KIAA1217: variants seen among roughly 807,000 people sequenced by gnomAD.
KIAA1217 encodes KIAA1217, also known as sickle tail protein homolog.
In KIAA1217, 88 loss-of-function variants were observed where a neutral mutation model predicts 163.9. The observed-to-expected ratio is 0.54, with a 90% CI of 0.45 to 0.64. The LOEUF (loss-of-function observed/expected upper bound fraction) is 0.64, where lower values mean the gene tolerates loss of function less well. Ranked by LOEUF, KIAA1217 falls within the 30% of genes least tolerant of loss-of-function variation. The pLI is 0.00. For missense variants in KIAA1217, 2,372 were observed against 2,475.0 expected, an observed-to-expected ratio of 0.96 and a Z score of 0.88; for synonymous variants, 903 against 923.1, an observed-to-expected ratio of 0.98 and a Z score of 0.39.
intron 2 of KIAA1217, among the ~76,000 whole-genome samples, chr10:24,184,378 G>T (rs2066323783): frequency 6.6e-6 from 1 of 152,134 alleles, no homozygotes; most frequent in African/African-American, 2.4e-5. Flanking sequence ...TTTAAGAACA[G>T]CTGTTGCAAC....
chr10:24,356,183 A>T (rs2049077805), intron 2 of KIAA1217, among the ~76,000 whole-genome samples: 1 of 152,164 alleles, frequency 6.6e-6, no homozygotes, highest in Admixed American at 6.5e-5. Context: ...CAGTGCTTTC[A>T]ACCAGTTTGC....
At chr10:24,319,794 A>G (rs2043904430) in intron 2 of KIAA1217, among the ~76,000 whole-genome samples, 1 of 152,222 alleles carries the variant, frequency 6.6e-6, no homozygotes, top group Non-Finnish European at 1.5e-5. Context: ...ATTCAGAACC[A>G]TAGTTTTAAC....
chr10:24,428,312 G>T (rs1480437640), intron 3 of KIAA1217, among the ~76,000 whole-genome samples: 2 of 152,208 alleles, frequency 1.3e-5, no homozygotes, highest in Non-Finnish European at 2.9e-5. Context: ...CCAAGACATT[G>T]CGTGATCTGT....
chr10:23,887,378 T>A (rs1349458525), intron 1 of KIAA1217, among the ~76,000 whole-genome samples: 1 of 151,926 alleles, frequency 6.6e-6, no homozygotes, highest in East Asian at 1.9e-4. Flanking sequence ...CCATTGTTAA[T>A]GTTCTTATAA....
At chr10:24,277,160 G>T in intron 2 of KIAA1217, among the ~76,000 whole-genome samples, 1 of 152,188 alleles carries the variant, frequency 6.6e-6, no homozygotes, top group Non-Finnish European at 1.5e-5. Flanking sequence ...TTTTCAAATT[G>T]CTCTTTAACT....
intron 2 of KIAA1217, among the ~76,000 whole-genome samples, chr10:24,054,408 A>G (rs961878690): frequency 6.6e-6 from 1 of 152,180 alleles, no homozygotes; most frequent in Non-Finnish European, 1.5e-5. Flanking sequence ...GGGATAGAAA[A>G]GAGAATGTGG....
At chr10:23,812,622 A>C (rs1837122438) in intron 1 of KIAA1217, among the ~76,000 whole-genome samples, 1 of 152,114 alleles carries the variant, frequency 6.6e-6, no homozygotes, top group Non-Finnish European at 1.5e-5. Context: ...CACCACCATC[A>C]ATCTTAGAAC....
intron 3 of KIAA1217, among the ~76,000 whole-genome samples, chr10:24,415,402 A>T (rs775056696): frequency 9.2e-5 from 14 of 151,822 alleles, no homozygotes; most frequent in Non-Finnish European, 1.6e-4. Flanking sequence ...GTCATGAGCC[A>T]CCACACCCAG....
At chr10:23,887,468 G>C (rs1841232996) in intron 1 of KIAA1217, among the ~76,000 whole-genome samples, 1 of 151,842 alleles carries the variant, frequency 6.6e-6, no homozygotes, top group South Asian at 2.1e-4. Context: ...TAATGTGAAT[G>C]TGAGGCTTTT....
At chr10:24,093,696 A>T (rs909725090) in intron 2 of KIAA1217, among the ~76,000 whole-genome samples, 17 of 151,292 alleles carry the variant, frequency 1.1e-4, no homozygotes, top group Admixed American at 2.0e-4. Context: ...CATGGGCACA[A>T]TGTGCAGGTT....
Position 24,164,323 on chromosome 10 carries a change from T to C in KIAA1217, c.-170-55303T>C, listed in dbSNP as rs1589736446. Among the ~76,000 whole-genome samples, 6 of 152,352 alleles carry C rather than the reference T, an allele frequency of 3.9e-5. No homozygotes were observed. The East Asian group carries it at 9.6e-4, about 24-fold the overall frequency. ...ATCACATTTTCAGATTAGCTTTCTCTAGCCACTAATCTTAAGTGACATCCT... is the reference window on the plus strand; with the variant it reads ...ATCACATTTTCAGATTAGCTTTCTCCAGCCACTAATCTTAAGTGACATCCT... On this transcript the variant is annotated intron_variant, in intron 2 of 18. Transcript: ENST00000376462.
intron 1 of KIAA1217, among the ~76,000 whole-genome samples, chr10:23,897,140 T>TA (rs1841742708): frequency 6.6e-6 from 1 of 152,110 alleles, no homozygotes; most frequent in Non-Finnish European, 1.5e-5. Flanking sequence ...ACTTCATTGG[T>TA]AGAAGTAAAA....
intron 2 of KIAA1217, among the ~76,000 whole-genome samples, chr10:24,015,664 G>A (rs1417471744): frequency 1.3e-5 from 2 of 151,324 alleles, no homozygotes; most frequent in Non-Finnish European, 2.9e-5. Flanking sequence ...GCTGAGCCAG[G>A]AGAATGTTTG....
chr10:24,449,918 T>C (rs1211389141), intron 5 of KIAA1217, among the ~76,000 whole-genome samples: 1 of 152,252 alleles, frequency 6.6e-6, no homozygotes, highest in Non-Finnish European at 1.5e-5. Context: ...GCACACTGCC[T>C]AGAAGAAAAC....
At chr10:24,279,752 A>T (rs954656720) in intron 2 of KIAA1217, among the ~76,000 whole-genome samples, 4 of 152,220 alleles carry the variant, frequency 2.6e-5, no homozygotes, top group Non-Finnish European at 5.9e-5. Context: ...CTGGAGTTAA[A>T]ACTTTTTACT....
chr10:23,965,821 A>T (rs1220874282), intron 1 of KIAA1217, among the ~76,000 whole-genome samples: 1 of 152,042 alleles, frequency 6.6e-6, no homozygotes, highest in Non-Finnish European at 1.5e-5. Context: ...GAAGCACCAT[A>T]CTCTGTACCC....
At position 24,214,219 on chromosome 10, in the gene KIAA1217, C is replaced by T. The variant is rs188016674; in HGVS notation, c.70+4956C>T. Among the ~76,000 whole-genome samples, 55 of 152,230 alleles carry T rather than the reference C, an allele frequency of 3.6e-4. 1 individual carries two copies. Among genetic ancestry groups the T allele is most frequent in the Middle Eastern group, 6.8e-3 (2 of 294 alleles). On this transcript the variant is annotated intron_variant, in intron 1 of 20. Coordinates refer to ENST00000376454, the MANE Select transcript of KIAA1217 (RefSeq NM_019590.5). ...AACTGAGGGATGCTGTAGGATTCTG[C>T]GGCCTGCTAACCGATTATGTGTATT...
intron 1 of KIAA1217, among the ~76,000 whole-genome samples, chr10:23,934,557 GTATA>G (rs778185120): frequency 0.14 from 6,131 of 44,040 alleles, 741 homozygotes; most frequent in South Asian, 0.18. Context: ...GGTCTTTAAA[GTATA>G]TATATATATA....
chr10:23,884,969 G>T (rs1487614415), intron 1 of KIAA1217, among the ~76,000 whole-genome samples: 1 of 151,690 alleles, frequency 6.6e-6, no homozygotes, highest in Non-Finnish European at 1.5e-5. Flanking sequence ...GTTCGGAGTG[G>T]GTCTGCCACC....
Sources: allele counts gnomAD v4.1 joint callset (sites outside exome capture counted in the v4.1 genomes callset), GRCh38; gene constraint gnomAD v4.1.1; transcripts MANE v1.5; gene names NCBI Gene and HGNC (gene_info 2026-07-23, HGNC 2026-07-21).